PKD1L3: variants seen among roughly 807,000 people sequenced by gnomAD.
PKD1L3 encodes the protein polycystin-1-like protein 3.
In PKD1L3, 239 loss-of-function variants were observed where a neutral mutation model predicts 184.1. The ratio of observed to expected loss-of-function variants is 1.30; its 90% CI spans 1.17 to 1.45. The LOEUF is 1.45. PKD1L3 is among the 40% of genes most tolerant of loss of function. The pLI is 0.00. For synonymous variants in PKD1L3, 996 were observed against 778.8 expected, an observed-to-expected ratio of 1.28 and a Z score of -4.64; for missense variants, 2,660 against 2,067.2, an observed-to-expected ratio of 1.29 and a Z score of -5.56.
At chr16:71,935,581 C>T in intron 25 of PKD1L3, 63 bp from the exon 26 acceptor site, 1 of 1,479,058 alleles carries the variant, frequency 6.8e-7, no homozygotes, top group Non-Finnish European at 9.1e-7. Context: ...TCTCCCTGCT[C>T]AAGTGTGATG....
Position 71,969,970 on chromosome 16 carries a change from T to C in PKD1L3, c.2089A>G (p.Asn697Asp), listed in dbSNP as rs916657469. The C allele has an allele frequency of 1.4e-5, 21 of 1,551,806 alleles. No individual in the cohort carries two copies. The highest frequency in any genetic ancestry group is 1.8e-5 in the Non-Finnish European group (21 of 1,147,028). Residue 697 changes from asparagine (N) to aspartate (D), a missense_variant, in exon 13 of 30, where the codon AAT becomes GAT. Coordinates refer to ENST00000620267, the MANE Select transcript of PKD1L3 (RefSeq NM_181536.2). ...GCCAGCAGTGACACCCCAACAGGAT[T>C]GTTGGTCACGCGAAGGAACAGTTTG... Reference protein sequence around the residue: ...TIKLFLRVTNNPVGVSLLASL... With the variant: ...TIKLFLRVTNDPVGVSLLASL...
intron 28 of PKD1L3, 50 bp from the exon 29 acceptor site, chr16:71,930,233 T>C: frequency 1.3e-6 from 2 of 1,486,448 alleles, no homozygotes; most frequent in Non-Finnish European, 9.0e-7. Context: ...TAGTTTATAC[T>C]TTACAAACAT....
chr16:71,989,780 T>C, intron 4 of PKD1L3, among the ~76,000 whole-genome samples: 1 of 152,128 alleles, frequency 6.6e-6, no homozygotes. Flanking sequence ...AAGAGAGGCT[T>C]TAAAAATTCC....
chr16:71,992,330 A>G (rs999912811), intron 3 of PKD1L3, among the ~76,000 whole-genome samples: 2 of 152,230 alleles, frequency 1.3e-5, no homozygotes, highest in South Asian at 2.1e-4. Context: ...CTTAAAGGAT[A>G]TAGGTGAAAT....
In PKD1L3 at chr16:71,999,904, G is replaced by C; in HGVS notation, c.75C>G (p.Ser25Arg). The change falls in exon 1 of 30, where the codon AGC becomes AGG. Residue 25 changes from serine to arginine, a missense_variant. Coordinates refer to ENST00000620267, the MANE Select transcript of PKD1L3 (RefSeq NM_181536.2). ...TSIILGSELN[S>R]PAPHGQNNCY... ...AATTATTTTGCCCATGTGGTGCTGG[G>C]CTGTTTAGCTCACTTCCTAGAATAA... 1 of 1,551,660 alleles carries C rather than the reference G, an allele frequency of 6.4e-7. No individual in the cohort carries two copies. Among genetic ancestry groups the C allele is most frequent in the Non-Finnish European group, 8.7e-7 (1 of 1,146,930 alleles).
At position 71,944,134 on chromosome 16, in the gene PKD1L3, T is replaced by C; in HGVS notation, c.3755A>G (p.Lys1252Arg). 1 of 1,551,328 alleles carries C rather than the reference T, an allele frequency of 6.4e-7. No individual in the cohort carries two copies. The highest frequency in any genetic ancestry group is 8.7e-7 in the Non-Finnish European group (1 of 1,146,588). The stretch of plus-strand genomic sequence containing the variant: ...TGGGGCTACATAGACGGGGTTGTTC[T>C]TATCTCTTGAACCTGGTACTGACGA... ...CSSSVPGSRD[K>R]NNPVYVAPAI... The change falls in exon 23 of 30, where the codon AAG becomes AGG. Residue 1252 changes from lysine to arginine, a missense_variant. By Grantham distance (26) the Lys-to-Arg change is conservative. Transcript: ENST00000620267.
rs1045246491 is a variant in PKD1L3 at position 71,993,280 on chromosome 16, A to G, written c.471T>C (p.His157=). The part of the protein sequence containing the change: ...AHYERNGNNS[H]LYQRHKKTKR... ...TTGTCTTCTTGTGTCTCTGGTACAA[A>G]TGGGAATTATTTCCATTTCTTTCAT... The change falls in exon 3 of 30, where the codon CAT becomes CAC. Residue 157 remains histidine, a synonymous_variant. Transcript: ENST00000620267. 1 of 1,550,382 alleles carries G rather than the reference A, an allele frequency of 6.5e-7. No individual in the cohort carries two copies. The highest frequency in any genetic ancestry group is 8.7e-7 in the Non-Finnish European group (1 of 1,146,658).
chr16:71,970,706 G>A (rs987895000), intron 12 of PKD1L3, among the ~76,000 whole-genome samples: 1 of 152,182 alleles, frequency 6.6e-6, no homozygotes, highest in Non-Finnish European at 1.5e-5. Flanking sequence ...TACTTGGGAG[G>A]CTGAGGCAGG....
chr16:71,940,502 T>A (rs571937740), intron 24 of PKD1L3, among the ~76,000 whole-genome samples: 7 of 152,152 alleles, frequency 4.6e-5, no homozygotes, highest in South Asian at 2.1e-4. Flanking sequence ...GTTTTTTATT[T>A]TTTTTTTATT....
At chr16:71,979,366 C>A (rs2040059801) in intron 9 of PKD1L3, among the ~76,000 whole-genome samples, 1 of 152,150 alleles carries the variant, frequency 6.6e-6, no homozygotes, top group Non-Finnish European at 1.5e-5. Context: ...ATCGCTTGAA[C>A]CTGGGAGGCA....
At chr16:71,970,672 G>C (rs367685149) in intron 12 of PKD1L3, among the ~76,000 whole-genome samples, 1 of 152,124 alleles carries the variant, frequency 6.6e-6, no homozygotes, top group Non-Finnish European at 1.5e-5. Context: ...GCCAGGCTTG[G>C]AGGCGCATGC....
intron 28 of PKD1L3, 94 bp downstream of exon 28, chr16:71,933,326 C>T: frequency 1.1e-6 from 1 of 870,966 alleles, no homozygotes; most frequent in Non-Finnish European, 1.9e-6. Flanking sequence ...TTCCAGTGTG[C>T]AGTGTACAGT....
chr16:71,987,159 G>C (rs1428216929), intron 4 of PKD1L3, among the ~76,000 whole-genome samples: 3 of 151,530 alleles, frequency 2.0e-5, no homozygotes, highest in Non-Finnish European at 4.4e-5. Context: ...TCCTGACCTT[G>C]TGATCCACCC....
At chr16:71,975,123 G>A (rs143354434) in intron 11 of PKD1L3, among the ~76,000 whole-genome samples, 217 of 151,902 alleles carry the variant, frequency 1.4e-3, no homozygotes, top group Non-Finnish European at 2.7e-3. Context: ...TGGTATCATC[G>A]AAACTCATTG....
chr16:71,970,084 G>T lies in PKD1L3; in HGVS notation c.1975C>A (p.Leu659Met). The T allele has an allele frequency of 1.3e-6, 2 of 1,551,646 alleles. No individual in the cohort carries two copies. ...GCQVGPQSTILRTQCLCNHLT... is the reference protein window; with the variant it reads ...GCQVGPQSTIMRTQCLCNHLT... ...TGGTTACAGAGACACTGTGTCCTCA[G>T]AATTGTGCTCTGTGGCCCAACCTGG... Residue 659 changes from leucine to methionine, a missense_variant, in exon 13 of 30, where the codon CTG (leucine) becomes ATG (methionine). Physicochemically the swap from Leu to Met is conservative, Grantham distance 15. Transcript: ENST00000620267.
At chr16:71,956,846 C>T (rs1046817257) in intron 16 of PKD1L3, among the ~76,000 whole-genome samples, 4 of 152,132 alleles carry the variant, frequency 2.6e-5, no homozygotes, top group African/African-American at 9.7e-5. Flanking sequence ...GTTGTAAAAA[C>T]AGTGTAAACA....
At chr16:71,955,162 T>A (rs2038995745) in intron 16 of PKD1L3, among the ~76,000 whole-genome samples, 2 of 152,054 alleles carry the variant, frequency 1.3e-5, no homozygotes, top group Admixed American at 6.6e-5. Context: ...AGGTCCCATA[T>A]AATAAGGCCC....
chr16:71,957,049 A>G (rs2039075780), intron 16 of PKD1L3, among the ~76,000 whole-genome samples: 1 of 152,224 alleles, frequency 6.6e-6, no homozygotes, highest in Non-Finnish European at 1.5e-5. Flanking sequence ...AATTAAGTTG[A>G]TAGTAATCCA....
rs138157976 is a variant in PKD1L3 at position 71,986,226 on chromosome 16, C to T, written c.829G>A (p.Gly277Ser). 464 of 1,552,238 alleles carry T rather than the reference C, an allele frequency of 3.0e-4. No homozygotes were observed. In the African/African-American group the frequency reaches 5.9e-3, roughly 20 times the overall value. The change falls in exon 5 of 30, where the codon GGT (glycine) becomes AGT (serine). Residue 277 changes from glycine to serine, a missense_variant. By Grantham distance (56) the Gly-to-Ser change is moderately conservative. Transcript: ENST00000620267. ...CTTGAATTTCCCATGTTTACCTGAC[C>T]AGATGCCTTCTGCAATGACACTTGT... is the stretch of plus-strand genomic sequence containing the variant. Reference protein sequence around the residue: ...YLQVSLQKASGQVIDEIAGNF... With the variant: ...YLQVSLQKASSQVIDEIAGNF...
Sources: allele counts gnomAD v4.1 joint callset (sites outside exome capture counted in the v4.1 genomes callset), GRCh38; gene constraint gnomAD v4.1.1; transcripts MANE v1.5; gene names NCBI Gene and HGNC (gene_info 2026-07-23, HGNC 2026-07-21).